Variants in PTPRT observed in about 807,000 individuals in gnomAD.
PTPRT encodes the protein protein tyrosine phosphatase receptor type T.
Under a neutral mutation model 176.8 loss-of-function variants are expected in PTPRT, and 56 were observed. The observed-to-expected ratio is 0.32, with a 90% confidence interval of 0.26 to 0.40. PTPRT has a LOEUF of 0.40. Among genes scored for constraint, PTPRT ranks in the 10% least tolerant of loss-of-function variants. PTPRT has a pLI of 1.00. For synonymous variants in PTPRT, 783 were observed against 739.0 expected (o/e 1.06, Z -0.96); for missense variants, 1,540 against 1,908.2 (o/e 0.81, Z 3.60).
chr20:43,023,971 T>G (rs1253316330), intron 1 of PTPRT, among the ~76,000 whole-genome samples: 1 of 152,202 alleles, frequency 6.6e-6, no homozygotes, highest in African/African-American at 2.4e-5. Flanking sequence ...CCTGGCATCT[T>G]GGCTCTGCTG....
chr20:42,181,877 A>T (rs1476153206), intron 16 of PTPRT, among the ~76,000 whole-genome samples: 2 of 151,966 alleles, frequency 1.3e-5, no homozygotes, highest in Non-Finnish European at 2.9e-5. Flanking sequence ...ACATGCTAAG[A>T]GGGACTAGAA....
At chr20:42,571,121 T>C (rs935611092) in intron 7 of PTPRT, among the ~76,000 whole-genome samples, 1 of 152,204 alleles carries the variant, frequency 6.6e-6, no homozygotes, top group African/African-American at 2.4e-5. Context: ...GCTGTAATAT[T>C]TGGTAGAAAG....
At chr20:42,569,647 T>C (rs555345809) in intron 7 of PTPRT, among the ~76,000 whole-genome samples, 134 of 152,206 alleles carry the variant, frequency 8.8e-4, no homozygotes, top group African/African-American at 3.1e-3. Context: ...AACTCCTAGA[T>C]GCCAAATGAG....
chr20:42,831,059 C>A (rs2078075957), intron 2 of PTPRT, among the ~76,000 whole-genome samples: 1 of 152,150 alleles, frequency 6.6e-6, no homozygotes, highest in Admixed American at 6.5e-5. Flanking sequence ...CCAAAAGGGC[C>A]TGAATAGCGA....
the PTPRT span, among the ~76,000 whole-genome samples, chr20:42,050,710 G>A: frequency 6.6e-6 from 1 of 152,188 alleles, no homozygotes; most frequent in Non-Finnish European, 1.5e-5. Flanking sequence ...GCGGCCACAG[G>A]GATACTGACC....
intron 7 of PTPRT, among the ~76,000 whole-genome samples, chr20:42,580,760 C>T (rs2073356581): frequency 6.6e-6 from 1 of 152,120 alleles, no homozygotes; most frequent in Admixed American, 6.6e-5. Context: ...ATTTTGTATC[C>T]TGAGACTTTG....
chr20:42,813,058 T>A (rs1410250791), intron 2 of PTPRT, among the ~76,000 whole-genome samples: 1 of 152,186 alleles, frequency 6.6e-6, no homozygotes, highest in African/African-American at 2.4e-5. Context: ...AAGACTTCCC[T>A]CTACACTGTT....
chr20:43,021,109 C>T (rs958925097), intron 1 of PTPRT, among the ~76,000 whole-genome samples: 1 of 151,934 alleles, frequency 6.6e-6, no homozygotes, highest in Non-Finnish European at 1.5e-5. Context: ...CATGTGTATC[C>T]TCCCTAAAAA....
chr20:42,547,710 C>T (rs772093509), intron 7 of PTPRT, among the ~76,000 whole-genome samples: 5 of 151,708 alleles, frequency 3.3e-5, no homozygotes, highest in Non-Finnish European at 4.4e-5. Context: ...CACAAAGGTC[C>T]CTATATCCCA....
At chr20:42,085,539 G>T (rs1983801072) in intron 28 of PTPRT, among the ~76,000 whole-genome samples, 189 bp downstream of exon 28, 1 of 152,188 alleles carries the variant, frequency 6.6e-6, no homozygotes, top group African/African-American at 2.4e-5. Flanking sequence ...GTCGCTCGTT[G>T]CATCTCTATG....
intron 1 of PTPRT, among the ~76,000 whole-genome samples, chr20:43,078,350 C>T (rs1023863211): frequency 6.6e-6 from 1 of 152,126 alleles, no homozygotes; most frequent in Non-Finnish European, 1.5e-5. Flanking sequence ...GAGTCTGGCA[C>T]CTGTGAAGAT....
rs146533927 is a variant in PTPRT, at chr20:42,850,896, C to T, written c.214+34911G>A. On this transcript the variant is annotated intron_variant, in intron 2 of 30. Coordinates refer to ENST00000373187, the MANE Select transcript of PTPRT (RefSeq NM_007050.6). ...CCCTTTCTTCTCATCAGATGGAAAA[C>T]TCACAGATGGGAAAAAACAAGCTGA... 7.3e-3 allele frequency among the ~76,000 whole-genome samples: 1,111 copies of T among 152,276 alleles called. 8 individuals are homozygous for T. Among genetic ancestry groups the T allele is most frequent in the Middle Eastern group, 0.027 (8 of 294 alleles).
intron 14 of PTPRT, among the ~76,000 whole-genome samples, chr20:42,240,660 A>G (rs2056334166): frequency 6.6e-6 from 1 of 152,016 alleles, no homozygotes; most frequent in Non-Finnish European, 1.5e-5. Flanking sequence ...CTATCCATCC[A>G]TCCATCCATG....
chr20:42,118,903 G>T (rs1315586023), intron 20 of PTPRT, among the ~76,000 whole-genome samples: 1 of 151,564 alleles, frequency 6.6e-6, no homozygotes, highest in African/African-American at 2.4e-5. Flanking sequence ...TGGGGTGGGG[G>T]GTGGAGAGAG....
At chr20:42,156,666 C>T (rs1989367743) in intron 17 of PTPRT, among the ~76,000 whole-genome samples, 1 of 152,218 alleles carries the variant, frequency 6.6e-6, no homozygotes, top group African/African-American at 2.4e-5. Flanking sequence ...AGAGGCAGCT[C>T]CATCCTACCA....
chr20:43,008,937 CAGGT>C (rs1984989455), intron 1 of PTPRT, among the ~76,000 whole-genome samples: 1 of 152,158 alleles, frequency 6.6e-6, no homozygotes, highest in Non-Finnish European at 1.5e-5. Flanking sequence ...AAGCACCTCT[CAGGT>C]GGGTTTGGGT....
At chr20:42,565,381 T>G (rs1458561732) in intron 7 of PTPRT, among the ~76,000 whole-genome samples, 1 of 152,130 alleles carries the variant, frequency 6.6e-6, no homozygotes, top group Non-Finnish European at 1.5e-5. Flanking sequence ...TTATATTCCA[T>G]CCGGCCAGAA....
At chr20:42,421,075 GCTT>G (rs1198440931) in intron 9 of PTPRT, among the ~76,000 whole-genome samples, 1 of 152,122 alleles carries the variant, frequency 6.6e-6, no homozygotes, top group African/African-American at 2.4e-5. Flanking sequence ...ATCCAGAACT[GCTT>G]CTTCTTTATC....
rs531336915 is a variant in PTPRT, at chr20:43,178,335, A to G, written c.88+11311T>C. ...CTTCTTTAAGGCTAGAAGCTCTGGG[A>G]AAATAACTAATCATTCCTGACACCC... On this transcript the variant is annotated intron_variant, in intron 1 of 30. Transcript: ENST00000373187. Among the ~76,000 whole-genome samples, 5 of 152,294 alleles carry G rather than the reference A, an allele frequency of 3.3e-5. No individual in the cohort carries two copies. The East Asian group carries it at 9.6e-4, about 29-fold the overall frequency.
Sources: gnomAD v4.1 joint callset for allele counts (sites outside exome capture counted in the v4.1 genomes callset) on GRCh38, gnomAD v4.1.1 for gene constraint, MANE v1.5 for transcripts, NCBI Gene and HGNC (gene_info 2026-07-23, HGNC 2026-07-21) for gene names.